EXOC2: variants seen among roughly 807,000 people sequenced by gnomAD.
EXOC2 encodes the protein SEC5-like 1.
A neutral mutation model predicts 131.8 loss-of-function variants in EXOC2; 70 were observed. The observed-to-expected ratio is 0.53, with a 90% confidence interval of 0.44 to 0.65. EXOC2 has a LOEUF of 0.65. Among genes scored for constraint, EXOC2 ranks in the 30% least tolerant of loss-of-function variants. The pLI, the probability that EXOC2 is intolerant of heterozygous loss-of-function variation, is 0.00. For synonymous variants in EXOC2, 411 were observed against 398.4 expected, an observed-to-expected ratio of 1.03 and a Z score of -0.38; for missense variants, 923 against 1,108.6, an observed-to-expected ratio of 0.83 and a Z score of 2.38.
chr6:616,883 C>T (rs1268850667), intron 6 of EXOC2, among the ~76,000 whole-genome samples: 2 of 151,760 alleles, frequency 1.3e-5, no homozygotes, highest in Admixed American at 6.6e-5. Context: ...GCTAGGACTA[C>T]AGGTATGCAC....
Position 511,866 on chromosome 6 carries a change from C to G in EXOC2, c.2381-12166G>C, listed in dbSNP as rs376396061. On this transcript the variant is annotated intron_variant, in intron 23 of 27. Coordinates refer to ENST00000230449, the MANE Select transcript of EXOC2 (RefSeq NM_018303.6). ...TTCTATTAGCAATGACTCATCTGTT[C>G]TCCCGTCTTCAGTATCAATGATCAC... Among the ~76,000 whole-genome samples, 14 of 152,350 alleles carry G rather than the reference C, an allele frequency of 9.2e-5. 1 individual carries two copies. In the South Asian group the frequency reaches 2.7e-3, roughly 29 times the overall value.
intron 13 of EXOC2, among the ~76,000 whole-genome samples, chr6:571,659 T>A (rs1471246714): frequency 6.6e-6 from 1 of 152,220 alleles, no homozygotes; most frequent in Non-Finnish European, 1.5e-5. Context: ...CCTTTGCCCA[T>A]GTCCATTTTG....
intron 23 of EXOC2, among the ~76,000 whole-genome samples, chr6:515,350 C>T (rs1765087162): frequency 6.6e-6 from 1 of 152,246 alleles, no homozygotes; most frequent in Non-Finnish European, 1.5e-5. Flanking sequence ...AAGTTCATGT[C>T]TTAACATCTG....
chr6:555,866 A>G, intron 19 of EXOC2, 88 bp downstream of exon 19: 2 of 1,291,596 alleles, frequency 1.5e-6, no homozygotes, highest in Non-Finnish European at 2.2e-6. Context: ...TATTTGGTGA[A>G]CGTCATCTGC....
chr6:561,428 C>T (rs910932345), intron 17 of EXOC2, among the ~76,000 whole-genome samples: 1 of 152,116 alleles, frequency 6.6e-6, no homozygotes, highest in Non-Finnish European at 1.5e-5. Flanking sequence ...TACCAAGGCA[C>T]GACTATATAG....
At chr6:557,449 C>T (rs1267053046) in intron 17 of EXOC2, among the ~76,000 whole-genome samples, 3 of 151,834 alleles carry the variant, frequency 2.0e-5, no homozygotes, top group African/African-American at 7.3e-5. Flanking sequence ...GAAAACCCAT[C>T]TCTACTAAAA....
intron 4 of EXOC2, among the ~76,000 whole-genome samples, chr6:621,119 T>A (rs1399124316): frequency 6.6e-6 from 1 of 152,148 alleles, no homozygotes; most frequent in African/African-American, 2.4e-5. Context: ...CAACTTCCAA[T>A]GGCCTGGAGC....
intron 6 of EXOC2, among the ~76,000 whole-genome samples, chr6:613,724 C>G (rs1020653241): frequency 1.3e-5 from 2 of 152,152 alleles, no homozygotes; most frequent in African/African-American, 4.8e-5. Flanking sequence ...CTGGTCAACT[C>G]AGAGCAAAGG....
In EXOC2 at chr6:598,855, C is replaced by G; in HGVS notation, c.970+5G>C. 1 of 1,604,832 alleles carries G rather than the reference C, an allele frequency of 6.2e-7. No individual in the cohort carries two copies. The highest frequency in any genetic ancestry group is 2.2e-5 in the East Asian group (1 of 44,742). On this transcript the variant is annotated splice_donor_5th_base_variant and intron_variant, in intron 9 of 27. Coordinates refer to ENST00000230449, the MANE Select transcript of EXOC2 (RefSeq NM_018303.6). ...GAAGATCTAAAAGTAATACATGAAT[C>G]TTACATTTCTTGAAAACTTGCACCT... is the stretch of plus-strand genomic sequence containing the variant.
chr6:673,981 T>C (rs962344711), intron 1 of EXOC2, among the ~76,000 whole-genome samples: 1 of 152,138 alleles, frequency 6.6e-6, no homozygotes, highest in Non-Finnish European at 1.5e-5. Flanking sequence ...CGAACTGCAA[T>C]TAAGCGAGTT....
intron 22 of EXOC2, among the ~76,000 whole-genome samples, chr6:545,921 C>T (rs998375968): frequency 1.3e-5 from 2 of 152,062 alleles, no homozygotes; most frequent in African/African-American, 4.8e-5. Context: ...TGGAAAAGTA[C>T]TCATGATAGA....
intron 3 of EXOC2, among the ~76,000 whole-genome samples, chr6:632,655 A>G (rs1338311219): frequency 6.6e-6 from 1 of 152,230 alleles, no homozygotes; most frequent in Admixed American, 6.5e-5. Context: ...AGATCAAGGA[A>G]CCAAAACTGG....
Position 564,777 on chromosome 6 carries a change from GGGCAGTAAT to G in EXOC2, c.1509+78_1510-76del, listed in dbSNP as rs1318656002. ...TTACATTAACTAAAAGATGCTGCCT[GGGCAGTAAT>G]GGATGTCTTGAATACAAAGTGAGAA... On this transcript the variant is annotated intron_variant, in intron 14 of 27. Coordinates refer to ENST00000230449, the MANE Select transcript of EXOC2 (RefSeq NM_018303.6). The G allele has an allele frequency of 2.2e-5, 35 of 1,578,702 alleles. No homozygotes were observed. The East Asian group carries it at 3.8e-4, about 17-fold the overall frequency.
At chr6:586,981 A>G (rs1409056854) in intron 11 of EXOC2, among the ~76,000 whole-genome samples, 1 of 152,234 alleles carries the variant, frequency 6.6e-6, no homozygotes, top group Admixed American at 6.5e-5. Context: ...AAATGTCACA[A>G]TTATGAGAGG....
At chr6:553,609 G>A (rs540064627) in intron 21 of EXOC2, among the ~76,000 whole-genome samples, 8 of 152,098 alleles carry the variant, frequency 5.3e-5, no homozygotes, top group Admixed American at 1.3e-4. Flanking sequence ...TTTAACACTC[G>A]GAAACCACAC....
At chr6:515,116 T>A (rs1040599966) in intron 23 of EXOC2, among the ~76,000 whole-genome samples, 10 of 152,224 alleles carry the variant, frequency 6.6e-5, no homozygotes, top group African/African-American at 2.4e-4. Context: ...ATTTATAACA[T>A]TGTTATGGTA....
chr6:553,772 G>T, intron 21 of EXOC2, 82 bp downstream of exon 21: 2 of 1,119,266 alleles, frequency 1.8e-6, no homozygotes, highest in South Asian at 1.3e-5. Context: ...TAGCAAGGAT[G>T]CAGGAACACA....
chr6:631,265 T>A (rs764811062), intron 3 of EXOC2, among the ~76,000 whole-genome samples: 1 of 152,062 alleles, frequency 6.6e-6, no homozygotes, highest in East Asian at 1.9e-4. Context: ...ACTGGCCGGG[T>A]GCAGTAGCTC....
intron 16 of EXOC2, among the ~76,000 whole-genome samples, chr6:563,290 C>T (rs886988109): frequency 3.3e-5 from 5 of 152,200 alleles, no homozygotes. Flanking sequence ...ATGCCACCTG[C>T]TCAAACCTTC....
Sources: gnomAD v4.1 joint callset for allele counts (sites outside exome capture counted in the v4.1 genomes callset) on GRCh38, gnomAD v4.1.1 for gene constraint, MANE v1.5 for transcripts, NCBI Gene and HGNC (gene_info 2026-07-23, HGNC 2026-07-21) for gene names.